Variants in ZFP36L1 observed in about 807,000 individuals in gnomAD.
The protein encoded by ZFP36L1 is mRNA decay activator protein ZFP36L1.
In ZFP36L1, 4 loss-of-function variants were observed where a neutral mutation model predicts 16.7. The ratio of observed to expected loss-of-function variants is 0.24; its 90% CI spans 0.12 to 0.55. The LOEUF (loss-of-function observed/expected upper bound fraction) is 0.55, where lower values mean the gene tolerates loss of function less well. Ranked by LOEUF, ZFP36L1 falls within the 20% of genes least tolerant of loss-of-function variation. The probability of loss-of-function intolerance (pLI) is 0.94; values close to 1 mark genes in which losing one functional copy is unlikely to be tolerated. For missense variants in ZFP36L1, 311 were observed against 449.2 expected, an observed-to-expected ratio of 0.69 and a Z score of 2.78; for synonymous variants, 220 against 190.8, an observed-to-expected ratio of 1.15 and a Z score of -1.26.
chr14:68,789,499 C>T lies in ZFP36L1; in HGVS notation c.*34G>A, dbSNP rs781092587. 6.2e-6 allele frequency: 10 copies of T among 1,611,762 alleles called. No individual in the cohort carries two copies. Among genetic ancestry groups the T allele is most frequent in the African/African-American group, 4.0e-5 (3 of 74,764 alleles). ...ATGGGATGTGGGTGCAGGGTAGGGGCTGGAGTAGGCAGGAGGTCCCTCCCT... is the reference window on the plus strand; with the variant it reads ...ATGGGATGTGGGTGCAGGGTAGGGGTTGGAGTAGGCAGGAGGTCCCTCCCT... On this transcript the variant is annotated 3_prime_UTR_variant, in exon 2 of 2. Transcript: ENST00000439696. This position sits in a 1 kb window ranked among gnomAD's most constrained non-coding sequence, Gnocchi z 4.5.
Position 68,788,736 on chromosome 14 carries a change from A to C in ZFP36L1, c.*797T>G, listed in dbSNP as rs1210144690. 6.5e-6 allele frequency: 1 copy of C among 152,694 alleles called. No individual in the cohort carries two copies. The highest frequency in any genetic ancestry group is 1.9e-4 in the East Asian group (1 of 5,306). 9.5% of individuals were successfully genotyped at this position (152,694 alleles called of 1,614,324 possible). A position where few individuals can be genotyped will look rare whatever the true frequency, so the allele number is the denominator to read the frequency against. ...TCCCCTTCCTCCCCACTTAAAAAAA[A>C]GAAAAAATTAAATCACAAAGTCCCA... On this transcript the variant is annotated 3_prime_UTR_variant, in exon 2 of 2. Transcript: ENST00000439696.
chr14:68,796,177 A>T (rs1326903777), upstream of ZFP36L1: 1 of 1,366,256 alleles, frequency 7.3e-7, no homozygotes, highest in Non-Finnish European at 9.8e-7. Context: ...CTTCGTGGGG[A>T]GGGGCGGCCC....
chr14:68,793,313 A>G, upstream of ZFP36L1: 7 of 1,013,162 alleles, frequency 6.9e-6, no homozygotes, highest in Non-Finnish European at 8.3e-6. Flanking sequence ...TGAGCCGCGC[A>G]CAACTTTTTT....
rs754764949 is a variant in ZFP36L1, at chr14:68,789,848, G to A, written c.702C>T (p.Ala234=). 4.3e-6 allele frequency: 7 copies of A among 1,611,164 alleles called. No individual in the cohort carries two copies. Among genetic ancestry groups the A allele is most frequent in the East Asian group, 2.2e-5 (1 of 44,882 alleles). Residue 234 remains alanine, a synonymous_variant, in exon 2 of 2, where the codon GCC becomes GCT. Transcript: ENST00000439696. This position sits in a 1 kb window ranked among gnomAD's most constrained non-coding sequence, Gnocchi z 4.5. ...TSITPPPILS[A]DDLLGSPTLP... ...GGGTAGGTGAGCCCAGGAGGTCATCGGCGCTCAGAATAGGGGGTGGGGTGA... is the reference window on the plus strand; with the variant it reads ...GGGTAGGTGAGCCCAGGAGGTCATCAGCGCTCAGAATAGGGGGTGGGGTGA...
At chr14:68,790,568 A>C in intron 1 of ZFP36L1, 76 bp from the exon 2 acceptor site, 1 of 1,564,016 alleles carries the variant, frequency 6.4e-7, no homozygotes, top group South Asian at 1.1e-5. Context: ...CCCCCTACAC[A>C]ATCACAAACG....
chr14:68,790,577 C>T, intron 1 of ZFP36L1, 85 bp from the exon 2 acceptor site: 2 of 1,540,062 alleles, frequency 1.3e-6, no homozygotes, highest in East Asian at 2.3e-5. Context: ...CAATCACAAA[C>T]GCCCGCTCTT....
intron 1 of ZFP36L1, among the ~76,000 whole-genome samples, chr14:68,792,301 A>C (rs1895101538): frequency 6.6e-6 from 1 of 151,286 alleles, no homozygotes; most frequent in East Asian, 2.0e-4. Flanking sequence ...CTATCGCGGG[A>C]AGAAGCCCAA....
chr14:68,792,263 T>C (rs1555337511), intron 1 of ZFP36L1, among the ~76,000 whole-genome samples: 1 of 151,604 alleles, frequency 6.6e-6, no homozygotes, highest in African/African-American at 2.4e-5. Flanking sequence ...GAATGCCTCT[T>C]TCACCCCAAA....
rs368741928 is a variant in ZFP36L1, at chr14:68,790,524, A to T, written c.58-32T>A. 4 of 1,611,132 alleles carry T rather than the reference A, an allele frequency of 2.5e-6. No individual in the cohort carries two copies. The African/African-American group carries it at 5.3e-5, about 22-fold the overall frequency. On this transcript the variant is annotated intron_variant, in intron 1 of 1. Transcript: ENST00000439696. ...AGAGAAGAGAAAGGATGGTAAGGAC[A>T]GAGGACATCCACCAGGATGTCCACT...
Position 68,787,895 on chromosome 14 carries a change from T to C in ZFP36L1, c.*1638A>G, listed in dbSNP as rs1894955447. The C allele has an allele frequency of 6.6e-6, 1 of 152,380 alleles. No homozygotes were observed. Among genetic ancestry groups the C allele is most frequent in the Non-Finnish European group, 1.5e-5 (1 of 67,988 alleles). 9.4% of individuals were successfully genotyped at this position (152,380 alleles called of 1,614,324 possible). ...GAACCTCAAATCTGTGAGTGGAATGTCTTGAGATGGGCACGTGGAAGTCAA... is the reference window on the plus strand; with the variant it reads ...GAACCTCAAATCTGTGAGTGGAATGCCTTGAGATGGGCACGTGGAAGTCAA... On this transcript the variant is annotated 3_prime_UTR_variant, in exon 2 of 2. Transcript: ENST00000439696.
chr14:68,794,738 CTTT>C (rs958766520), upstream of ZFP36L1: 1 of 152,338 alleles, frequency 6.6e-6, no homozygotes, highest in Non-Finnish European at 1.5e-5. Context: ...CCAACACACA[CTTT>C]TTTTTAAAAC....
upstream of ZFP36L1, chr14:68,793,572 T>G: frequency 1.0e-6 from 1 of 985,908 alleles, no homozygotes; most frequent in Non-Finnish European, 1.2e-6. Flanking sequence ...CTGAAGCCCG[T>G]CCTTAGCGCC....
At chr14:68,795,312 C>T (rs1313965227), upstream of ZFP36L1, among the ~76,000 whole-genome samples, 1 of 143,034 alleles carries the variant, frequency 7.0e-6, no homozygotes, top group East Asian at 2.3e-4. Context: ...CGCTCCCCCA[C>T]CCCCCACCCC....
rs1894951136 is a variant in ZFP36L1, at chr14:68,787,746, CAAAG to C, written c.*1783_*1786del. The stretch of plus-strand genomic sequence containing the variant: ...TTTTTTTCTTTTAAATAAATTCACA[CAAAG>C]AAAGAGAAATAGAAAGCGACGGTAG... On this transcript the variant is annotated 3_prime_UTR_variant, in exon 2 of 2. Transcript: ENST00000439696. 6.6e-6 allele frequency: 1 copy of C among 152,382 alleles called. No homozygotes were observed. The highest frequency in any genetic ancestry group is 1.9e-4 in the East Asian group (1 of 5,314). 9.4% of individuals were successfully genotyped at this position (152,382 alleles called of 1,614,324 possible).
chr14:68,794,639 T>C (rs1015472228), upstream of ZFP36L1: 4 of 152,342 alleles, frequency 2.6e-5, no homozygotes, highest in Admixed American at 2.6e-4. Context: ...AAGATTGAGT[T>C]CCATTGCGAT....
chr14:68,789,864 G>T lies in ZFP36L1; in HGVS notation c.686C>A (p.Pro229His). The T allele has an allele frequency of 6.2e-7, 1 of 1,610,800 alleles. No individual in the cohort carries two copies. Reference sequence around the variant, plus strand: ...GAGGTCATCGGCGCTCAGAATAGGGGGTGGGGTGATGGACGTGGGGCTGTC... The same window carrying T: ...GAGGTCATCGGCGCTCAGAATAGGGTGTGGGGTGATGGACGTGGGGCTGTC... ...LLDSPTSITP[P>H]PILSADDLLG... is the part of the protein sequence containing the mutation. The change falls in exon 2 of 2, where the codon CCC becomes CAC. Residue 229 changes from proline to histidine, a missense_variant. Physicochemically the swap from Pro to His is moderately conservative, Grantham distance 77. This residue lies in a region of ZFP36L1 where 147 missense variants were observed against 192.0 expected (regional missense o/e 0.77). Transcript: ENST00000439696. This position sits in a 1 kb window ranked among gnomAD's most constrained non-coding sequence, Gnocchi z 4.5.
rs773570782 is a variant in ZFP36L1, at chr14:68,789,591, G to A, written c.959C>T (p.Thr320Ile). 7 of 1,613,786 alleles carry A rather than the reference G, an allele frequency of 4.3e-6. No homozygotes were observed. In the African/African-American group the frequency reaches 9.3e-5, roughly 22 times the overall value. ...GGGCAGGCGTCTTGAGTTGTCCAAGGTCGGGGAGTCTGAGCCACTGTGGCT... is the reference window on the plus strand; with the variant it reads ...GGGCAGGCGTCTTGAGTTGTCCAAGATCGGGGAGTCTGAGCCACTGTGGCT... Reference protein sequence around the residue: ...SSSHSGSDSPTLDNSRRLPIF... With the variant: ...SSSHSGSDSPILDNSRRLPIF... The change falls in exon 2 of 2, where the codon ACC becomes ATC. Residue 320 changes from threonine (T) to isoleucine (I), a missense_variant. Physicochemically the swap from Thr to Ile is moderately conservative, Grantham distance 89 (BLOSUM62 -1). This residue lies in a region of ZFP36L1 where 3 missense variants were observed against 25.7 expected (regional missense o/e 0.12). Coordinates refer to ENST00000439696, the MANE Select transcript of ZFP36L1 (RefSeq NM_004926.4). The surrounding 1 kb of genome is among the most constrained non-coding windows in gnomAD (Gnocchi z 4.5).
chr14:68,790,934 G>C (rs1281906155), intron 1 of ZFP36L1: 1 of 621,276 alleles, frequency 1.6e-6, no homozygotes. Flanking sequence ...GCTACGTTAG[G>C]TCCCCTTCCA....
intron 1 of ZFP36L1, among the ~76,000 whole-genome samples, chr14:68,792,191 C>A (rs550724382): frequency 2.6e-5 from 4 of 151,942 alleles, no homozygotes; most frequent in East Asian, 3.9e-4. Flanking sequence ...ACCTCCCCCC[C>A]CAACCCCGCC....
Sources: gnomAD v4.1 joint callset for allele counts (sites outside exome capture counted in the v4.1 genomes callset) on GRCh38, gnomAD v4.1.1 for gene constraint, gnomAD v4.1.1 regional missense constraint, Gnocchi (gnomAD v3.1) non-coding constraint, MANE v1.5 for transcripts, NCBI Gene and HGNC (gene_info 2026-07-23, HGNC 2026-07-21) for gene names.